The following PTPRN2 variants were observed in gnomAD, a reference collection of about 807,000 sequenced individuals.
PTPRN2 encodes the protein protein tyrosine phosphatase receptor type N2, also known as receptor-type tyrosine-protein phosphatase N2.
PTPRN2 carries 74 observed loss-of-function variants against 118.8 expected under a neutral mutation model. The ratio of observed to expected loss-of-function variants is 0.62; its 90% CI spans 0.52 to 0.76. The LOEUF is 0.76. Ranked by LOEUF, PTPRN2 falls within the 30% of genes least tolerant of loss-of-function variation. The pLI, the probability that PTPRN2 is intolerant of heterozygous loss-of-function variation, is 0.00. For synonymous variants in PTPRN2, 641 were observed against 608.0 expected (o/e 1.05, Z -0.80); for missense variants, 1,481 against 1,394.4 (o/e 1.06, Z -0.99).
intron 3 of PTPRN2, among the ~76,000 whole-genome samples, chr7:158,296,875 C>T (rs1800538626): frequency 6.6e-6 from 1 of 152,246 alleles, no homozygotes; most frequent in Non-Finnish European, 1.5e-5. Flanking sequence ...ACATGGCCAC[C>T]TGGCCCACAG....
chr7:157,548,115 C>G (rs1798417278), intron 22 of PTPRN2, among the ~76,000 whole-genome samples: 1 of 152,078 alleles, frequency 6.6e-6, no homozygotes, highest in Non-Finnish European at 1.5e-5. Context: ...GCTTGGGAGG[C>G]TGAGGCAGGA....
intron 12 of PTPRN2, among the ~76,000 whole-genome samples, chr7:157,720,962 G>A (rs930375398): frequency 6.6e-6 from 1 of 152,238 alleles, no homozygotes; most frequent in Non-Finnish European, 1.5e-5. Context: ...ACTTCTGACA[G>A]AGGCCCCATG....
intron 2 of PTPRN2, among the ~76,000 whole-genome samples, chr7:158,375,592 C>G (rs1002123793): frequency 3.3e-5 from 5 of 152,244 alleles, no homozygotes; most frequent in Non-Finnish European, 7.3e-5. Flanking sequence ...GCCCCGCCCT[C>G]AAGCCTGGAA....
Position 158,070,171 on chromosome 7 carries a change from T to G in PTPRN2, c.1723+11127A>C, listed in dbSNP as rs941415303. ...TGCACTATGGCCAACACAGCAGACA[T>G]CCAAAAGCAGGGACTGACCTAGAGT... On this transcript the variant is annotated intron_variant, in intron 11 of 22. Transcript: ENST00000389418. Among the ~76,000 whole-genome samples the G allele has an allele frequency of 9.2e-5, 14 of 152,282 alleles. 1 individual carries two copies. The highest frequency in any genetic ancestry group is 5.9e-4 in the Admixed American group (9 of 15,294).
At chr7:157,567,003 CA>C (rs1400457288) in intron 21 of PTPRN2, among the ~76,000 whole-genome samples, 1 of 152,226 alleles carries the variant, frequency 6.6e-6, no homozygotes, top group Admixed American at 6.5e-5. Flanking sequence ...ACACTTACAT[CA>C]AATGATCTGT....
intron 3 of PTPRN2, among the ~76,000 whole-genome samples, chr7:158,303,909 G>T (rs1801081023): frequency 6.6e-6 from 1 of 152,258 alleles, no homozygotes; most frequent in South Asian, 2.1e-4. Flanking sequence ...GCCACATGTG[G>T]GTGACCAATG....
intron 11 of PTPRN2, among the ~76,000 whole-genome samples, chr7:157,984,734 A>C (rs1302665725): frequency 6.6e-6 from 1 of 152,116 alleles, no homozygotes; most frequent in Non-Finnish European, 1.5e-5. Flanking sequence ...CTCTCCCCAC[A>C]TGCAGCTCAT....
At chr7:157,982,031 TTC>T (rs764021703) in intron 11 of PTPRN2, among the ~76,000 whole-genome samples, 55 of 134,310 alleles carry the variant, frequency 4.1e-4, no homozygotes, top group African/African-American at 1.2e-3. Context: ...GAGTGTGGGG[TTC>T]CCCCCCAAAC....
chr7:157,834,050 C>T (rs556187918), intron 12 of PTPRN2, among the ~76,000 whole-genome samples: 15 of 152,362 alleles, frequency 9.8e-5, no homozygotes, highest in South Asian at 6.2e-4. Flanking sequence ...ACTTTCTATC[C>T]GCCAATCAAT....
chr7:158,181,291 C>T (rs1210901081), intron 5 of PTPRN2, among the ~76,000 whole-genome samples: 2 of 152,186 alleles, frequency 1.3e-5, no homozygotes, highest in African/African-American at 4.8e-5. Context: ...ATGAAACCCA[C>T]TTGATCATGG....
intron 2 of PTPRN2, among the ~76,000 whole-genome samples, chr7:158,488,182 G>A (rs1399343409): frequency 1.3e-5 from 2 of 152,142 alleles, no homozygotes; most frequent in East Asian, 3.9e-4. Flanking sequence ...GTTGAGTCCA[G>A]GCAGACGACG....
At chr7:158,289,355 C>T (rs1046246124) in intron 3 of PTPRN2, among the ~76,000 whole-genome samples, 4 of 152,104 alleles carry the variant, frequency 2.6e-5, no homozygotes, top group South Asian at 2.1e-4. Flanking sequence ...TCTTCATTCC[C>T]GTTTACTCTT....
Position 158,570,493 on chromosome 7 carries a change from C to T in PTPRN2, c.112+17065G>A, listed in dbSNP as rs972086918. On this transcript the variant is annotated intron_variant, in intron 1 of 22. Coordinates refer to ENST00000389418, the MANE Select transcript of PTPRN2 (RefSeq NM_002847.5). This position sits in a 1 kb window ranked among gnomAD's most constrained non-coding sequence, Gnocchi z 4.5. The stretch of plus-strand genomic sequence containing the variant: ...GAGAAAGCGGCTTCGGCAGCTCCGA[C>T]CCCTCAACTGACGCGTCTCCCCGTG... Among the ~76,000 whole-genome samples the T allele has an allele frequency of 1.3e-5, 2 of 152,324 alleles. No individual in the cohort carries two copies. Among genetic ancestry groups the T allele is most frequent in the South Asian group, 2.1e-4 (1 of 4,826 alleles).
At chr7:158,400,963 C>G (rs1812899454) in intron 2 of PTPRN2, among the ~76,000 whole-genome samples, 1 of 152,096 alleles carries the variant, frequency 6.6e-6, no homozygotes, top group Non-Finnish European at 1.5e-5. Context: ...GCCGAGCAGA[C>G]AGCAAACCCA....
chr7:158,342,288 G>T (rs1586393768), intron 2 of PTPRN2, among the ~76,000 whole-genome samples: 1 of 116,968 alleles, frequency 8.5e-6, no homozygotes, highest in Non-Finnish European at 1.7e-5. Context: ...TCACCATAGA[G>T]CTGACACCCG....
At chr7:158,012,163 C>T (rs184632921) in intron 11 of PTPRN2, among the ~76,000 whole-genome samples, 2 of 152,328 alleles carry the variant, frequency 1.3e-5, no homozygotes, top group Admixed American at 1.3e-4. Context: ...AAGAACCACA[C>T]ATCTTTGTGC....
rs193133252 is a variant in PTPRN2, at chr7:157,787,890, C to G, written c.1789-104953G>C. Among the ~76,000 whole-genome samples the G allele has an allele frequency of 1.1e-4, 16 of 152,290 alleles. No individual in the cohort carries two copies. The highest frequency in any genetic ancestry group is 3.8e-4 in the African/African-American group (16 of 41,566). ...CCTCTGCACCCCCAGTGGATAAAAG[C>G]TGCTGGCAACATCGACGTCCCCAAG... On this transcript the variant is annotated intron_variant, in intron 12 of 22. Transcript: ENST00000389418. The surrounding 1 kb of genome is among the most constrained non-coding windows in gnomAD (Gnocchi z 5.3).
intron 14 of PTPRN2, among the ~76,000 whole-genome samples, chr7:157,651,772 G>C (rs1047619247): frequency 6.6e-6 from 1 of 152,236 alleles, no homozygotes; most frequent in African/African-American, 2.4e-5. Context: ...ACCGTCCTGC[G>C]AAGTCGCCTT....
chr7:158,318,596 G>A (rs550151065), intron 2 of PTPRN2, among the ~76,000 whole-genome samples: 3 of 152,346 alleles, frequency 2.0e-5, no homozygotes, highest in Admixed American at 6.5e-5. Flanking sequence ...CCTGAGGCCA[G>A]GGAGGCTCAG....
Sources: gnomAD v4.1 joint callset for allele counts (sites outside exome capture counted in the v4.1 genomes callset) on GRCh38, gnomAD v4.1.1 for gene constraint, Gnocchi (gnomAD v3.1) non-coding constraint, MANE v1.5 for transcripts, NCBI Gene and HGNC (gene_info 2026-07-23, HGNC 2026-07-21) for gene names.